Variants in PCDHGB1 observed in about 807,000 individuals in gnomAD.
PCDHGB1 encodes the protein protocadherin gamma-B1.
PCDHGB1 carries 34 observed loss-of-function variants against 56.6 expected under a neutral mutation model. The ratio of observed to expected loss-of-function variants is 0.60; its 90% CI spans 0.46 to 0.80. The LOEUF is 0.80. Among genes scored for constraint, PCDHGB1 ranks in the 30% least tolerant of loss-of-function variants. The pLI is 0.00. For synonymous variants in PCDHGB1, 561 were observed against 505.9 expected (o/e 1.11, Z -1.46); for missense variants, 1,278 against 1,204.6 (o/e 1.06, Z -0.90).
In PCDHGB1 at chr5:141,487,930, G is replaced by T; in HGVS notation, c.2410-6877G>T. On this transcript the variant is annotated intron_variant, in intron 1 of 3. Coordinates refer to ENST00000523390, the MANE Select transcript of PCDHGB1 (RefSeq NM_018922.3). This position sits in a 1 kb window ranked among gnomAD's most constrained non-coding sequence, Gnocchi z 5.0. Reference sequence around the variant, plus strand: ...GAGCACAGGAGGCTACAGTGCACAGGGTACAGTGCACCAGGCAGTCACTTG... The same window carrying T: ...GAGCACAGGAGGCTACAGTGCACAGTGTACAGTGCACCAGGCAGTCACTTG... 2 of 613,220 alleles carry T rather than the reference G, an allele frequency of 3.3e-6. No homozygotes were observed. Among genetic ancestry groups the T allele is most frequent in the African/African-American group, 1.8e-5 (1 of 54,186 alleles). 38.0% of individuals were successfully genotyped at this position (613,220 alleles called of 1,614,324 possible).
intron 1 of PCDHGB1, among the ~76,000 whole-genome samples, chr5:141,429,774 G>A (rs1175985162): frequency 6.6e-6 from 1 of 152,070 alleles, no homozygotes; most frequent in Non-Finnish European, 1.5e-5. Context: ...ATTTTGATGG[G>A]CTTCCAAAAG....
At chr5:141,408,838 G>A in intron 1 of PCDHGB1, 1 of 1,613,588 alleles carries the variant, frequency 6.2e-7, no homozygotes, top group African/African-American at 1.3e-5. Flanking sequence ...GCTTGATATT[G>A]ACTGCCTTGG....
rs1358516648 is a variant in PCDHGB1, at chr5:141,489,199, A to C, written c.2410-5608A>C. The C allele has an allele frequency of 1.4e-6, 2 of 1,395,234 alleles. No individual in the cohort carries two copies. The highest frequency in any genetic ancestry group is 2.8e-5 in the South Asian group (2 of 71,520). The allele number at this position is 1,395,234 out of a possible 1,614,324, so 86.4% of individuals were successfully genotyped here. ...CAAGCCCTGGGTCTACCTTGGAGAC[A>C]GGACAGCACAGACTTACTCTCCACA... On this transcript the variant is annotated intron_variant, in intron 1 of 3. Transcript: ENST00000523390. The surrounding 1 kb of genome is among the most constrained non-coding windows in gnomAD (Gnocchi z 4.5).
intron 1 of PCDHGB1, chr5:141,408,411 C>T (rs2095101928): frequency 1.2e-6 from 2 of 1,614,034 alleles, no homozygotes; most frequent in African/African-American, 1.3e-5. Context: ...CGAGTGAGCG[C>T]GGAGAAGCTG....
chr5:141,450,916 C>T (rs1168320527), intron 1 of PCDHGB1, among the ~76,000 whole-genome samples: 1 of 151,580 alleles, frequency 6.6e-6, no homozygotes, highest in Admixed American at 6.6e-5. Flanking sequence ...CCGCTGCCTC[C>T]CAGATTCAAG....
intron 1 of PCDHGB1, chr5:141,361,279 G>A (rs1456239638): frequency 1.2e-6 from 2 of 1,613,892 alleles, no homozygotes; most frequent in Middle Eastern, 1.6e-4. Context: ...AAATGGAGAA[G>A]TTTACTGCCA....
intron 1 of PCDHGB1, chr5:141,370,588 A>G (rs766682273): frequency 6.2e-7 from 1 of 1,613,944 alleles, no homozygotes; most frequent in Admixed American, 1.7e-5. Context: ...CCTACTAGGA[A>G]CCTGCGGGTT....
At chr5:141,382,782 G>A (rs1294010280) in intron 1 of PCDHGB1, 22 of 844,882 alleles carry the variant, frequency 2.6e-5, no homozygotes, top group African/African-American at 1.2e-4. Flanking sequence ...CTAAACTCAA[G>A]CCTCTATCCT....
At chr5:141,420,382 C>CA (rs1414569792) in intron 1 of PCDHGB1, 5 of 1,300,530 alleles carry the variant, frequency 3.8e-6, no homozygotes, top group Non-Finnish European at 5.1e-6. Flanking sequence ...ATAGAGTTCG[C>CA]AAAATATAGG....
chr5:141,391,155 T>C (rs2092309201), intron 1 of PCDHGB1: 1 of 152,250 alleles, frequency 6.6e-6, no homozygotes, highest in Non-Finnish European at 1.5e-5. Context: ...GAAAGAAATA[T>C]AGTCTTGAAA....
chr5:141,420,525 C>T (rs895355117), intron 1 of PCDHGB1: 2 of 358,086 alleles, frequency 5.6e-6, no homozygotes, highest in South Asian at 2.1e-4. Flanking sequence ...AAATACCTTT[C>T]GGTTAAAAAT....
At chr5:141,501,013 C>T (rs1456343329) in intron 2 of PCDHGB1, among the ~76,000 whole-genome samples, 2 of 151,970 alleles carry the variant, frequency 1.3e-5, no homozygotes, top group Non-Finnish European at 2.9e-5. Context: ...GGACTACAGG[C>T]ACGCGCCACC....
intron 1 of PCDHGB1, chr5:141,374,688 G>A (rs750510871): frequency 3.1e-6 from 5 of 1,609,528 alleles, no homozygotes; most frequent in East Asian, 2.2e-5. Context: ...ACACTGGACC[G>A]GGAAGGAGAA....
At chr5:141,423,772 A>G (rs767998260) in intron 1 of PCDHGB1, 39 of 1,219,850 alleles carry the variant, frequency 3.2e-5, no homozygotes, top group East Asian at 1.6e-4. Context: ...GGGGCGGCAT[A>G]TATTTAGTTC....
At chr5:141,467,134 C>T (rs905270517) in intron 1 of PCDHGB1, among the ~76,000 whole-genome samples, 19 of 151,750 alleles carry the variant, frequency 1.3e-4, no homozygotes, top group African/African-American at 4.6e-4. Flanking sequence ...CTCACTGCAA[C>T]CTCTGCCTCC....
In PCDHGB1 at chr5:141,490,594, C is replaced by A. The variant is rs1276468877; in HGVS notation, c.2410-4213C>A. The A allele has an allele frequency of 2.5e-6, 4 of 1,614,056 alleles. No individual in the cohort carries two copies. The highest frequency in any genetic ancestry group is 1.6e-4 in the Middle Eastern group (1 of 6,084). On this transcript the variant is annotated intron_variant, in intron 1 of 3. Transcript: ENST00000523390. The surrounding 1 kb of genome is among the most constrained non-coding windows in gnomAD (Gnocchi z 5.4). ...CATTTCAGATGTCAATGACAATGCA[C>A]CCCGCTTCAACCAGCAGCTTTACAC...
intron 1 of PCDHGB1, among the ~76,000 whole-genome samples, chr5:141,449,177 G>T (rs2098631167): frequency 6.6e-6 from 1 of 152,028 alleles, no homozygotes. Flanking sequence ...AATTTTCTTA[G>T]GTATTTTCAC....
At chr5:141,479,651 C>CAAA (rs931031810) in intron 1 of PCDHGB1, 2 of 152,124 alleles carry the variant, frequency 1.3e-5, no homozygotes, top group African/African-American at 2.4e-5. Flanking sequence ...ACAACAACAA[C>CAAA]AATCCCAGAA....
intron 1 of PCDHGB1, chr5:141,422,865 C>G: frequency 1.2e-6 from 2 of 1,614,244 alleles, no homozygotes; most frequent in Non-Finnish European, 1.7e-6. Context: ...TCAGCAGCAA[C>G]GTGTCGCTGA....
Sources: gnomAD v4.1 joint callset for allele counts (sites outside exome capture counted in the v4.1 genomes callset) on GRCh38, gnomAD v4.1.1 for gene constraint, Gnocchi (gnomAD v3.1) non-coding constraint, MANE v1.5 for transcripts, NCBI Gene and HGNC (gene_info 2026-07-23, HGNC 2026-07-21) for gene names.